FMN1: variants seen among roughly 807,000 people sequenced by gnomAD.
FMN1 encodes formin-1.
Under a neutral mutation model 132.4 loss-of-function variants are expected in FMN1, and 110 were observed. The ratio of observed to expected loss-of-function variants is 0.83; its 90% confidence interval spans 0.71 to 0.97. FMN1 has a LOEUF of 0.97. Ranked by LOEUF, FMN1 falls within the 50% of genes least tolerant of loss-of-function variation. FMN1 has a pLI of 0.00. For missense variants in FMN1, 1,792 were observed against 1,705.3 expected (o/e 1.05, Z -0.90); for synonymous variants, 722 against 651.7 (o/e 1.11, Z -1.64).
intron 17 of FMN1, among the ~76,000 whole-genome samples, chr15:32,815,350 G>T (rs1595990823): frequency 6.6e-6 from 1 of 152,156 alleles, no homozygotes; most frequent in Non-Finnish European, 1.5e-5. Flanking sequence ...TCTAAAGAAA[G>T]AAAGCACCTC....
chr15:32,876,632 G>A (rs1277842709), intron 16 of FMN1, among the ~76,000 whole-genome samples: 1 of 152,178 alleles, frequency 6.6e-6, no homozygotes, highest in East Asian at 1.9e-4. Context: ...AAATTAAAGT[G>A]TATTGTTTAA....
chr15:33,087,735 T>C (rs757616063), intron 5 of FMN1, among the ~76,000 whole-genome samples: 8 of 152,112 alleles, frequency 5.3e-5, no homozygotes, highest in Non-Finnish European at 1.2e-4. Flanking sequence ...TGCAAAACTA[T>C]AGAACCAGCC....
intron 6 of FMN1, among the ~76,000 whole-genome samples, chr15:33,051,160 T>A (rs986993987): frequency 6.6e-6 from 1 of 152,196 alleles, no homozygotes; most frequent in African/African-American, 2.4e-5. Flanking sequence ...ATATATACCA[T>A]TCTCTGAATT....
At chr15:33,085,184 T>C (rs1023993652) in intron 5 of FMN1, among the ~76,000 whole-genome samples, 1 of 152,196 alleles carries the variant, frequency 6.6e-6, no homozygotes, top group Non-Finnish European at 1.5e-5. Context: ...TAGTGGTGAT[T>C]TATGAGATTT....
At chr15:33,053,296 C>T (rs765050849) in intron 6 of FMN1, among the ~76,000 whole-genome samples, 6 of 152,152 alleles carry the variant, frequency 3.9e-5, no homozygotes, top group South Asian at 4.1e-4. Context: ...GCTTTGGGGT[C>T]GCAGGCACCC....
intron 6 of FMN1, 85 bp from the exon 7 acceptor site, chr15:33,008,160 G>A: frequency 9.5e-7 from 1 of 1,050,504 alleles, no homozygotes; most frequent in South Asian, 1.4e-5. Flanking sequence ...GAAATAAACT[G>A]ACTAAAATAA....
chr15:32,841,547 G>A (rs760456089), intron 17 of FMN1, among the ~76,000 whole-genome samples: 9 of 152,102 alleles, frequency 5.9e-5, no homozygotes, highest in Non-Finnish European at 1.0e-4. Flanking sequence ...CAGAAGAAGC[G>A]GAGTAGAAAA....
intron 17 of FMN1, among the ~76,000 whole-genome samples, chr15:32,818,093 C>G (rs1008936699): frequency 5.3e-5 from 8 of 152,042 alleles, no homozygotes; most frequent in African/African-American, 1.9e-4. Flanking sequence ...TATTAATATG[C>G]TGATTCATTT....
At chr15:33,057,693 G>T (rs1328172186) in intron 6 of FMN1, among the ~76,000 whole-genome samples, 1 of 152,072 alleles carries the variant, frequency 6.6e-6, no homozygotes, top group Non-Finnish European at 1.5e-5. Context: ...CTTTCCCTCT[G>T]AAATCATTTT....
intron 6 of FMN1, among the ~76,000 whole-genome samples, chr15:33,056,684 A>C (rs2141205376): frequency 6.6e-6 from 1 of 152,346 alleles, no homozygotes; most frequent in Middle Eastern, 3.4e-3. Context: ...TAACAGCCAC[A>C]AACTTTGAAC....
chr15:33,142,844 G>A (rs2468751), intron 4 of FMN1, among the ~76,000 whole-genome samples: 2 of 152,194 alleles, frequency 1.3e-5, no homozygotes, highest in East Asian at 3.9e-4. Flanking sequence ...TGGCCTTCTA[G>A]TTCACCAATG....
chr15:33,035,390 G>C (rs2141089619), intron 6 of FMN1, among the ~76,000 whole-genome samples: 1 of 152,222 alleles, frequency 6.6e-6, no homozygotes, highest in South Asian at 2.1e-4. Flanking sequence ...ATAGACCCCT[G>C]AATTCTGTCT....
chr15:33,082,020 G>GGTGTGTGTGTGT lies in FMN1; in HGVS notation c.2043+6767_2043+6778dup, dbSNP rs57369569. Among the ~76,000 whole-genome samples the GGTGTGTGTGTGT allele has an allele frequency of 1.9e-3, 226 of 117,820 alleles. 4 individuals carry two copies. The highest frequency in any genetic ancestry group is 7.5e-3 in the African/African-American group (220 of 29,432). 77.3% of individuals were successfully genotyped at this position (117,820 alleles called of 152,430 possible). A position where few individuals can be genotyped will look rare whatever the true frequency, so the allele number is the denominator to read the frequency against. On this transcript the variant is annotated intron_variant, in intron 5 of 20. Transcript: ENST00000616417. ...CCAGAATCAACAAGAAGAGTTCAGG[G>GGTGTGTGTGTGT]GTGTGTGTGTGTGTGTGTGTGTGTG...
At chr15:33,108,704 C>A (rs1369263779) in intron 4 of FMN1, among the ~76,000 whole-genome samples, 1 of 152,140 alleles carries the variant, frequency 6.6e-6, no homozygotes, top group Non-Finnish European at 1.5e-5. Context: ...TCCTATTCCT[C>A]TTTTGATGTT....
chr15:32,958,383 A>G (rs2030076455), intron 9 of FMN1, among the ~76,000 whole-genome samples: 2 of 152,180 alleles, frequency 1.3e-5, no homozygotes, highest in South Asian at 4.1e-4. Context: ...CATCATCATC[A>G]ATGTCTTCCC....
intron 9 of FMN1, among the ~76,000 whole-genome samples, chr15:32,950,915 G>T (rs978608683): frequency 6.6e-6 from 1 of 151,792 alleles, no homozygotes; most frequent in Non-Finnish European, 1.5e-5. Flanking sequence ...ATTTCATTTT[G>T]ATCAGCAGAT....
At chr15:32,941,436 A>G (rs2061398686) in intron 9 of FMN1, among the ~76,000 whole-genome samples, 1 of 152,242 alleles carries the variant, frequency 6.6e-6, no homozygotes, top group South Asian at 2.1e-4. Context: ...TTACTTTACA[A>G]GAATGTGCAC....
intron 4 of FMN1, among the ~76,000 whole-genome samples, chr15:33,102,201 A>G (rs951516720): frequency 3.3e-5 from 5 of 152,102 alleles, no homozygotes; most frequent in African/African-American, 9.7e-5. Flanking sequence ...CCCCTATATC[A>G]GGACCTGTGT....
Position 32,940,746 on chromosome 15 carries a change from T to C in FMN1, c.3139-14485A>G, listed in dbSNP as rs117782001. ...CAGAGTCTTGAGAGATGATAGGCTCTGCAGAACATGAACCCCAAAAGACAC... is the reference window on the plus strand; with the variant it reads ...CAGAGTCTTGAGAGATGATAGGCTCCGCAGAACATGAACCCCAAAAGACAC... On this transcript the variant is annotated intron_variant, in intron 9 of 20. Transcript: ENST00000616417. Among the ~76,000 whole-genome samples the C allele has an allele frequency of 1.5e-3, 227 of 152,274 alleles. 4 individuals carry two copies. Among genetic ancestry groups the C allele is most frequent in the East Asian group, 0.014 (74 of 5,170 alleles).
Sources: allele counts gnomAD v4.1 joint callset (sites outside exome capture counted in the v4.1 genomes callset), GRCh38; gene constraint gnomAD v4.1.1; transcripts MANE v1.5; gene names NCBI Gene and HGNC (gene_info 2026-07-23, HGNC 2026-07-21).